Variants in DENND5B observed in about 807,000 individuals in gnomAD.
DENND5B encodes the protein DENN domain-containing protein 5B.
A neutral mutation model predicts 140.6 loss-of-function variants in DENND5B; 34 were observed. That is an observed-to-expected ratio of 0.24 (90% confidence interval 0.18 to 0.32). DENND5B has a LOEUF of 0.32. Ranked by LOEUF, DENND5B falls within the 10% of genes least tolerant of loss-of-function variation. The pLI, the probability that DENND5B is intolerant of heterozygous loss-of-function variation, is 1.00. For synonymous variants in DENND5B, 551 were observed against 562.1 expected, an observed-to-expected ratio of 0.98 and a Z score of 0.28; for missense variants, 1,142 against 1,560.2, an observed-to-expected ratio of 0.73 and a Z score of 4.52.
chr12:31,387,583 A>G lies in DENND5B; in HGVS notation c.*20T>C, dbSNP rs1310448043. ...TGGGGAAGGAGCAAGGTTTGGACTG[A>G]GAGTTTCTAGCCAGTTGGGTTACAC... On this transcript the variant is annotated 3_prime_UTR_variant, in exon 21 of 21. Transcript: ENST00000389082. The G allele has an allele frequency of 4.4e-6, 7 of 1,607,474 alleles. No individual in the cohort carries two copies. The highest frequency in any genetic ancestry group is 1.3e-5 in the African/African-American group (1 of 74,846).
chr12:31,447,501 G>C (rs1355981029), intron 6 of DENND5B, 37 bp downstream of exon 6: 1 of 1,552,364 alleles, frequency 6.4e-7, no homozygotes, highest in Non-Finnish European at 8.7e-7. Flanking sequence ...AAGCGATAAT[G>C]GATTTTAATT....
intron 2 of DENND5B, among the ~76,000 whole-genome samples, chr12:31,495,379 C>CTTTTTTTTTTT (rs1293809907): frequency 1.4e-4 from 9 of 63,516 alleles, no homozygotes; most frequent in Admixed American, 2.1e-4. Flanking sequence ...TATCACATTT[C>CTTTTTTTTTTT]TTTTTTTTTC....
chr12:31,522,374 C>A (rs1947927573), intron 1 of DENND5B, among the ~76,000 whole-genome samples: 1 of 152,222 alleles, frequency 6.6e-6, no homozygotes, highest in Non-Finnish European at 1.5e-5. Flanking sequence ...GAAAGCTGGG[C>A]TGATCCCAAT....
chr12:31,407,614 T>C (rs1942202946), intron 14 of DENND5B, among the ~76,000 whole-genome samples: 1 of 152,166 alleles, frequency 6.6e-6, no homozygotes, highest in Non-Finnish European at 1.5e-5. Flanking sequence ...ATGTTAGTGA[T>C]ATTTATTGAG....
chr12:31,527,850 T>A (rs1244479884), intron 1 of DENND5B, among the ~76,000 whole-genome samples: 1 of 152,144 alleles, frequency 6.6e-6, no homozygotes, highest in African/African-American at 2.4e-5. Flanking sequence ...ATGGTATTCT[T>A]GGAAAAAATG....
In DENND5B at chr12:31,590,827, G is replaced by A; in HGVS notation, c.6C>T (p.Ser2=). 7.9e-7 allele frequency: 1 copy of A among 1,264,278 alleles called. No individual in the cohort carries two copies. Among genetic ancestry groups the A allele is most frequent in the Non-Finnish European group, 9.9e-7 (1 of 1,008,936 alleles). 78.3% of individuals were successfully genotyped at this position (1,264,278 alleles called of 1,614,324 possible). ...CCGGGCCGGGCGCCGCGCAGCTCCC[G>A]CTCATCCCGGCCGCGCTGCTCCAGG... M[S]GSCAAPGPGS... Residue 2 remains serine, a synonymous_variant, in exon 1 of 21, where the codon AGC becomes AGT. Transcript: ENST00000389082.
At chr12:31,544,988 G>GA (rs1948809148) in intron 1 of DENND5B, among the ~76,000 whole-genome samples, 1 of 151,454 alleles carries the variant, frequency 6.6e-6, no homozygotes, top group Non-Finnish European at 1.5e-5. Context: ...CTAGTTTCTT[G>GA]AAAAAATCAA....
In DENND5B at chr12:31,494,222, C is replaced by T. The variant is rs528559236; in HGVS notation, c.237+1588G>A. On this transcript the variant is annotated intron_variant, in intron 2 of 20. Transcript: ENST00000389082. ...CATCCACCTACCTACCTACCTACCT[C>T]TACCTACCTACCTACCTACCTACCT... is the stretch of plus-strand genomic sequence containing the variant. Among the ~76,000 whole-genome samples, 59 of 18,260 alleles carry T rather than the reference C, an allele frequency of 3.2e-3. 2 individuals carry two copies. The South Asian group carries it at 0.1, about 31-fold the overall frequency. 12.0% of individuals were successfully genotyped at this position (18,260 alleles called of 152,430 possible).
intron 2 of DENND5B, among the ~76,000 whole-genome samples, chr12:31,495,409 C>T (rs1313811170): frequency 7.6e-5 from 5 of 65,702 alleles, no homozygotes; most frequent in African/African-American, 2.7e-4. Context: ...GACAGAGTCT[C>T]GCTCTGTTGC....
rs1005124975 is a variant in DENND5B, at chr12:31,452,217, T to C, written c.1352A>G (p.Asn451Ser). 5.6e-6 allele frequency: 9 copies of C among 1,613,906 alleles called. No individual in the cohort carries two copies. The highest frequency in any genetic ancestry group is 6.8e-6 in the Non-Finnish European group (8 of 1,179,900). The stretch of plus-strand genomic sequence containing the variant: ...AGCCTGCAAGCGGGCTATGGTTTCA[T>C]TGCCCTTCAGTAACTCATACATGCT... Reference protein sequence around the residue: ...NISMYELLKGNETIARLQALA... With the variant: ...NISMYELLKGSETIARLQALA... Residue 451 changes from asparagine (N) to serine (S), a missense_variant, in exon 5 of 21, where the codon AAT becomes AGT. Transcript: ENST00000389082.
In DENND5B at chr12:31,442,819, T is replaced by G. The variant is rs769940112; in HGVS notation, c.1968A>C (p.Pro656=). Residue 656 remains proline, a synonymous_variant, in exon 7 of 21, where the codon CCA becomes CCC. Transcript: ENST00000389082. ...GQGKYEQGFF[P]KLQSDVLATG... ...TTGCCAAGACATCGGACTGTAACTT[T>G]GGAAAGAACCCCTGCTCATATTTGC... 6.8e-6 allele frequency: 11 copies of G among 1,613,830 alleles called. No individual in the cohort carries two copies. Among genetic ancestry groups the G allele is most frequent in the Non-Finnish European group, 9.3e-6 (11 of 1,179,848 alleles).
chr12:31,538,327 C>T (rs2139143896), intron 1 of DENND5B, among the ~76,000 whole-genome samples: 1 of 151,948 alleles, frequency 6.6e-6, no homozygotes, highest in East Asian at 1.9e-4. Flanking sequence ...TCTCTGACCA[C>T]AATAGAATAA....
At chr12:31,500,829 A>T (rs1275371261) in intron 1 of DENND5B, among the ~76,000 whole-genome samples, 1 of 152,202 alleles carries the variant, frequency 6.6e-6, no homozygotes, top group African/African-American at 2.4e-5. Context: ...GCAAAATTGT[A>T]CGGCCACTTT....
rs138971588 is a variant in DENND5B at position 31,401,174 on chromosome 12, T to C, written c.2949+1324A>G. Among the ~76,000 whole-genome samples the C allele has an allele frequency of 5.8e-4, 88 of 152,312 alleles. 1 individual carries two copies. The East Asian group carries it at 0.013, about 22-fold the overall frequency. On this transcript the variant is annotated intron_variant, in intron 15 of 20. Coordinates refer to ENST00000389082, the MANE Select transcript of DENND5B (RefSeq NM_144973.4). ...CGAGTTCTTAAAGCACTTTATTCTT[T>C]GTATCTCAGTGAGAAGGCATCACCA...
At chr12:31,393,789 G>A (rs1047003655) in intron 17 of DENND5B, among the ~76,000 whole-genome samples, 4 of 152,136 alleles carry the variant, frequency 2.6e-5, no homozygotes, top group Non-Finnish European at 5.9e-5. Flanking sequence ...CCAGGTTCAA[G>A]CAATTCTCCT....
chr12:31,424,512 C>A, intron 10 of DENND5B, 23 bp downstream of exon 10: 1 of 1,604,602 alleles, frequency 6.2e-7, no homozygotes, highest in Non-Finnish European at 8.5e-7. Flanking sequence ...GGCCATGTCA[C>A]CAGGACCTCC....
intron 1 of DENND5B, among the ~76,000 whole-genome samples, chr12:31,530,373 G>A (rs750531016): frequency 8.6e-5 from 13 of 151,606 alleles, no homozygotes; most frequent in Admixed American, 2.6e-4. Context: ...ACTCCATCTC[G>A]AAAAAAATAA....
chr12:31,543,662 C>T (rs1265934092), intron 1 of DENND5B, among the ~76,000 whole-genome samples: 2 of 152,196 alleles, frequency 1.3e-5, no homozygotes, highest in Middle Eastern at 3.4e-3. Context: ...CCCACAGACA[C>T]TAGTATATGT....
In DENND5B at chr12:31,399,700, C is replaced by T. The variant is rs1016676585; in HGVS notation, c.3022G>A (p.Val1008Met). ...DNSGLLAKWL[V>M]DCVMVRNEIT... ...TCATTTCTGACCATGACACAATCCA[C>T]TAGCCATTTGGCTAACAGTCCTGAG... The change falls in exon 16 of 21, where the codon GTG (valine) becomes ATG (methionine). Residue 1008 changes from valine to methionine, a missense_variant. By Grantham distance (21) the Val-to-Met change is conservative (BLOSUM62 1). Coordinates refer to ENST00000389082, the MANE Select transcript of DENND5B (RefSeq NM_144973.4). 1 of 1,614,018 alleles carries T rather than the reference C, an allele frequency of 6.2e-7. No individual in the cohort carries two copies. Among genetic ancestry groups the T allele is most frequent in the Non-Finnish European group, 8.5e-7 (1 of 1,179,930 alleles).
Sources: allele counts gnomAD v4.1 joint callset (sites outside exome capture counted in the v4.1 genomes callset), GRCh38; gene constraint gnomAD v4.1.1; transcripts MANE v1.5; gene names NCBI Gene and HGNC (gene_info 2026-07-23, HGNC 2026-07-21).